The following AGPAT4 variants were observed in gnomAD, a reference collection of about 807,000 sequenced individuals.
The protein encoded by AGPAT4 is 1-acylglycerol-3-phosphate O-acyltransferase 4.
Under a neutral mutation model 48.0 loss-of-function variants are expected in AGPAT4, and 15 were observed. The ratio of observed to expected loss-of-function variants is 0.31; its 90% CI spans 0.21 to 0.48. The LOEUF (loss-of-function observed/expected upper bound fraction) is 0.48, where lower values mean the gene tolerates loss of function less well. AGPAT4 is among the 20% of genes least tolerant of loss of function. The pLI, the probability that AGPAT4 is intolerant of heterozygous loss-of-function variation, is 0.99. For missense variants in AGPAT4, 314 were observed against 482.5 expected (o/e 0.65, Z 3.27); for synonymous variants, 178 against 198.7 (o/e 0.90, Z 0.88).
chr6:161,211,036 G>C (rs1341172030), intron 2 of AGPAT4, among the ~76,000 whole-genome samples: 2 of 152,188 alleles, frequency 1.3e-5, no homozygotes, highest in East Asian at 3.8e-4. Flanking sequence ...CCAGGAATGA[G>C]CAAGGACAGC....
chr6:161,203,386 T>TC (rs1162715104), intron 2 of AGPAT4, among the ~76,000 whole-genome samples: 1 of 144,292 alleles, frequency 6.9e-6, no homozygotes, highest in African/African-American at 2.5e-5. Flanking sequence ...TCTTTCTTTT[T>TC]TTTTTTTTTT....
In AGPAT4 at chr6:161,144,561, G is replaced by A. The variant is rs1779356480; in HGVS notation, c.843+1963C>T. Among the ~76,000 whole-genome samples, 1 of 152,190 alleles carries A rather than the reference G, an allele frequency of 6.6e-6. No homozygotes were observed. On this transcript the variant is annotated intron_variant, in intron 7 of 8. Coordinates refer to ENST00000320285, the MANE Select transcript of AGPAT4 (RefSeq NM_020133.3). This position sits in a 1 kb window ranked among gnomAD's most constrained non-coding sequence, Gnocchi z 6.6. Reference sequence around the variant, plus strand: ...ATACAGGGGAGGAAGGGCCCGTTGAGAAAAATCTCCTTTGCCTTGATGGGC... The same window carrying A: ...ATACAGGGGAGGAAGGGCCCGTTGAAAAAAATCTCCTTTGCCTTGATGGGC...
At position 161,208,114 on chromosome 6, in the gene AGPAT4, G is replaced by C. The variant is rs928445607; in HGVS notation, c.178+23922C>G. ...TCCTGTTAGTCTTGTTCAAAACAAG[G>C]CTAGGCTGAGTTCCAATTCTAATAA... On this transcript the variant is annotated intron_variant, in intron 2 of 8. Transcript: ENST00000320285. This position sits in a 1 kb window ranked among gnomAD's most constrained non-coding sequence, Gnocchi z 4.6. 2.0e-5 allele frequency among the ~76,000 whole-genome samples: 3 copies of C among 151,916 alleles called. No individual in the cohort carries two copies. The highest frequency in any genetic ancestry group is 6.6e-5 in the Admixed American group (1 of 15,240).
In AGPAT4 at chr6:161,135,175, C is replaced by T. The variant is rs1323975100; in HGVS notation, c.*1365G>A. 2 of 152,156 alleles carry T rather than the reference C, an allele frequency of 1.3e-5. No individual in the cohort carries two copies. The highest frequency in any genetic ancestry group is 4.8e-5 in the African/African-American group (2 of 41,428). The allele number at this position is 152,156 out of a possible 1,614,324, so 9.4% of individuals were successfully genotyped here. ...ATGTGTGGCCAGTTTTTGTATAGAG[C>T]TGTTCATTCCTTCTCATGTTACCAC... On this transcript the variant is annotated 3_prime_UTR_variant, in exon 9 of 9. Coordinates refer to ENST00000320285, the MANE Select transcript of AGPAT4 (RefSeq NM_020133.3).
rs1481937228 is a variant in AGPAT4 at position 161,135,616 on chromosome 6, A to G, written c.*924T>C. On this transcript the variant is annotated 3_prime_UTR_variant, in exon 9 of 9. Transcript: ENST00000320285. ...ATGCTGGGAAGGGGCGAGGCATTTTATAAAGTGAAACTGCATTTTATCAGG... is the reference window on the plus strand; with the variant it reads ...ATGCTGGGAAGGGGCGAGGCATTTTGTAAAGTGAAACTGCATTTTATCAGG... The G allele has an allele frequency of 1.3e-5, 2 of 152,258 alleles. No individual in the cohort carries two copies. Among genetic ancestry groups the G allele is most frequent in the East Asian group, 3.9e-4 (2 of 5,184 alleles). 9.4% of individuals were successfully genotyped at this position (152,258 alleles called of 1,614,324 possible). A position where few individuals can be genotyped will look rare whatever the true frequency, so the allele number is the denominator to read the frequency against.
intron 1 of AGPAT4, among the ~76,000 whole-genome samples, chr6:161,247,685 TAGTATTAGA>T (rs1350059421): frequency 6.6e-6 from 1 of 152,024 alleles, no homozygotes; most frequent in East Asian, 1.9e-4. Context: ...CTATTCAACA[TAGTATTAGA>T]AGTCCTGGCC....
Position 161,171,600 on chromosome 6 carries a change from A to C in AGPAT4, c.179-5183T>G, listed in dbSNP as rs1562322971. ...TCTCAACACTGTTGCATTGGGAATT[A>C]AATTTCCAGCCGCACATGGTGGCTC... is the stretch of plus-strand genomic sequence containing the variant. On this transcript the variant is annotated intron_variant, in intron 2 of 8. Coordinates refer to ENST00000320285, the MANE Select transcript of AGPAT4 (RefSeq NM_020133.3). The surrounding 1 kb of genome is among the most constrained non-coding windows in gnomAD (Gnocchi z 4.4). Among the ~76,000 whole-genome samples the C allele has an allele frequency of 6.6e-6, 1 of 152,314 alleles. No homozygotes were observed. The highest frequency in any genetic ancestry group is 2.1e-4 in the South Asian group (1 of 4,828).
In AGPAT4 at chr6:161,218,622, C is replaced by T. The variant is rs369233152; in HGVS notation, c.178+13414G>A. Among the ~76,000 whole-genome samples, 12 of 152,300 alleles carry T rather than the reference C, an allele frequency of 7.9e-5. No individual in the cohort carries two copies. The highest frequency in any genetic ancestry group is 3.4e-3 in the Middle Eastern group (1 of 292). ...ACCATAACACCGGGGCAGGATCCTC[C>T]GCTCCACGGCCCTAGCACAGTGTAT... On this transcript the variant is annotated intron_variant, in intron 2 of 8. Transcript: ENST00000320285. This position sits in a 1 kb window ranked among gnomAD's most constrained non-coding sequence, Gnocchi z 4.7.
intron 2 of AGPAT4, among the ~76,000 whole-genome samples, chr6:161,192,249 T>C (rs996357400): frequency 6.7e-6 from 1 of 148,550 alleles, no homozygotes; most frequent in Admixed American, 6.8e-5. Flanking sequence ...CTCCCAGGTT[T>C]AAGCGATTCT....
intron 3 of AGPAT4, among the ~76,000 whole-genome samples, chr6:161,163,046 G>A (rs894491466): frequency 1.3e-5 from 2 of 152,264 alleles, no homozygotes; most frequent in African/African-American, 4.8e-5. Flanking sequence ...GGAAGCACTG[G>A]CTCCCAGGAG....
Position 161,219,142 on chromosome 6 carries a change from A to T in AGPAT4, c.178+12894T>A, listed in dbSNP as rs1781733137. On this transcript the variant is annotated intron_variant, in intron 2 of 8. Coordinates refer to ENST00000320285, the MANE Select transcript of AGPAT4 (RefSeq NM_020133.3). The surrounding 1 kb of genome is among the most constrained non-coding windows in gnomAD (Gnocchi z 4.9). ...CCTTGCTTTAGAGCTTGTTTTCATA[A>T]AACTATTTCCCCCTTACTTTAAGTG... 1.3e-5 allele frequency among the ~76,000 whole-genome samples: 2 copies of T among 152,188 alleles called. No individual in the cohort carries two copies. The highest frequency in any genetic ancestry group is 1.3e-4 in the Admixed American group (2 of 15,280).
chr6:161,135,181 A>G lies in AGPAT4; in HGVS notation c.*1359T>C, dbSNP rs1237539750. On this transcript the variant is annotated 3_prime_UTR_variant, in exon 9 of 9. Coordinates refer to ENST00000320285, the MANE Select transcript of AGPAT4 (RefSeq NM_020133.3). ...GGCCAGTTTTTGTATAGAGCTGTTC[A>G]TTCCTTCTCATGTTACCACAGCAAC... The G allele has an allele frequency of 2.0e-5, 3 of 152,232 alleles. No individual in the cohort carries two copies. Among genetic ancestry groups the G allele is most frequent in the African/African-American group, 7.2e-5 (3 of 41,460 alleles). 9.4% of individuals were successfully genotyped at this position (152,232 alleles called of 1,614,324 possible).
rs1782463445 is a variant in AGPAT4 at position 161,240,903 on chromosome 6, A to T, written c.-89-8601T>A. Among the ~76,000 whole-genome samples the T allele has an allele frequency of 6.6e-6, 1 of 152,134 alleles. No homozygotes were observed. Among genetic ancestry groups the T allele is most frequent in the Non-Finnish European group, 1.5e-5 (1 of 68,020 alleles). On this transcript the variant is annotated intron_variant, in intron 1 of 8. Transcript: ENST00000320285. The surrounding 1 kb of genome is among the most constrained non-coding windows in gnomAD (Gnocchi z 5.5). Reference sequence around the variant, plus strand: ...TAATTCCTACAACCAAACAGGAGAGAAAGTATTCTAGACTGGATTTAACTG... The same window carrying T: ...TAATTCCTACAACCAAACAGGAGAGTAAGTATTCTAGACTGGATTTAACTG...
chr6:161,247,420 C>T (rs888104160), intron 1 of AGPAT4, among the ~76,000 whole-genome samples: 12 of 152,072 alleles, frequency 7.9e-5, no homozygotes, highest in Admixed American at 3.3e-4. Flanking sequence ...TATTCTTTGG[C>T]GAATGCATAA....
chr6:161,242,248 C>G lies in AGPAT4; in HGVS notation c.-89-9946G>C, dbSNP rs183773330. On this transcript the variant is annotated intron_variant, in intron 1 of 8. Transcript: ENST00000320285. This position sits in a 1 kb window ranked among gnomAD's most constrained non-coding sequence, Gnocchi z 5.0. ...ATGGTGAGTAACTGTGGGGGCCCGG[C>G]CTGGGCCAGTCTCACGCTTTTAACC... 3.9e-5 allele frequency among the ~76,000 whole-genome samples: 6 copies of G among 152,320 alleles called. No homozygotes were observed. In the East Asian group the frequency reaches 1.2e-3, roughly 29 times the overall value.
intron 3 of AGPAT4, among the ~76,000 whole-genome samples, chr6:161,163,587 A>G (rs1482088412): frequency 6.6e-6 from 1 of 152,084 alleles, no homozygotes; most frequent in Non-Finnish European, 1.5e-5. Flanking sequence ...GTTCCCTGGG[A>G]GGGTACAGGC....
At position 161,235,195 on chromosome 6, in the gene AGPAT4, A is replaced by G. The variant is rs1008656457; in HGVS notation, c.-89-2893T>C. On this transcript the variant is annotated intron_variant, in intron 1 of 8. Transcript: ENST00000320285. This position sits in a 1 kb window ranked among gnomAD's most constrained non-coding sequence, Gnocchi z 6.2. Reference sequence around the variant, plus strand: ...TTGGTACCCTATTTTGGGCACATTAACTATTCTGCACCTCAGTTTTTCTAT... The same window carrying G: ...TTGGTACCCTATTTTGGGCACATTAGCTATTCTGCACCTCAGTTTTTCTAT... Among the ~76,000 whole-genome samples the G allele has an allele frequency of 6.6e-6, 1 of 152,154 alleles. No individual in the cohort carries two copies. Among genetic ancestry groups the G allele is most frequent in the African/African-American group, 2.4e-5 (1 of 41,428 alleles).
intron 1 of AGPAT4, among the ~76,000 whole-genome samples, chr6:161,250,485 ATAATTATTACC>A (rs1782777379): frequency 6.6e-6 from 1 of 152,176 alleles, no homozygotes; most frequent in Non-Finnish European, 1.5e-5. Context: ...TAGACATATC[ATAATTATTACC>A]TAATTGCCTC....
Position 161,240,394 on chromosome 6 carries a change from C to G in AGPAT4, c.-89-8092G>C, listed in dbSNP as rs1359944087. 3.3e-5 allele frequency among the ~76,000 whole-genome samples: 5 copies of G among 152,174 alleles called. No individual in the cohort carries two copies. In the South Asian group the frequency reaches 8.3e-4, roughly 25 times the overall value. On this transcript the variant is annotated intron_variant, in intron 1 of 8. Transcript: ENST00000320285. The surrounding 1 kb of genome is among the most constrained non-coding windows in gnomAD (Gnocchi z 5.5). ...CTTCCAAGTCAAACACACGGCTGCCCTCCCAAGGCAAGCTTTTTCCTCTAT... is the reference window on the plus strand; with the variant it reads ...CTTCCAAGTCAAACACACGGCTGCCGTCCCAAGGCAAGCTTTTTCCTCTAT...
Sources: gnomAD v4.1 joint callset for allele counts (sites outside exome capture counted in the v4.1 genomes callset) on GRCh38, gnomAD v4.1.1 for gene constraint, Gnocchi (gnomAD v3.1) non-coding constraint, MANE v1.5 for transcripts, NCBI Gene and HGNC (gene_info 2026-07-23, HGNC 2026-07-21) for gene names.